GAP43: variants seen among roughly 807,000 people sequenced by gnomAD.
The protein encoded by GAP43 is growth associated protein 43, also known as neuromodulin.
In GAP43, 6 loss-of-function variants were observed where a neutral mutation model predicts 18.6. That is an observed-to-expected ratio of 0.32 (90% CI 0.18 to 0.64). GAP43 has a LOEUF of 0.64. GAP43 is among the 30% of genes least tolerant of loss of function. The pLI, the probability that GAP43 is intolerant of heterozygous loss-of-function variation, is 0.78. For synonymous variants in GAP43, 115 were observed against 111.4 expected (o/e 1.03, Z -0.20); for missense variants, 292 against 295.5 (o/e 0.99, Z 0.09).
At chr3:115,682,300 A>G (rs370284033) in intron 2 of GAP43, among the ~76,000 whole-genome samples, 9 of 152,218 alleles carry the variant, frequency 5.9e-5, no homozygotes, top group Non-Finnish European at 1.3e-4. Context: ...CATCAAATAC[A>G]TCAGTTATGC....
intron 1 of GAP43, chr3:115,664,015 C>A (rs1330522536): frequency 3.6e-6 from 4 of 1,101,194 alleles, no homozygotes; most frequent in East Asian, 2.6e-5. Context: ...TACTTAATTA[C>A]TTAACTAATG....
At chr3:115,712,109 C>G (rs953451025) in intron 2 of GAP43, among the ~76,000 whole-genome samples, 2 of 151,974 alleles carry the variant, frequency 1.3e-5, no homozygotes, top group African/African-American at 2.4e-5. Flanking sequence ...TCAACTTGTA[C>G]CTTCTTTGGC....
At chr3:115,680,906 GT>G (rs1708951699) in intron 2 of GAP43, among the ~76,000 whole-genome samples, 1 of 152,134 alleles carries the variant, frequency 6.6e-6, no homozygotes. Context: ...CAAAAGATAG[GT>G]CCACTTCTAC....
intron 2 of GAP43, among the ~76,000 whole-genome samples, chr3:115,707,432 G>A (rs1027798431): frequency 2.0e-5 from 3 of 152,104 alleles, no homozygotes; most frequent in Non-Finnish European, 1.5e-5. Context: ...TGGGATGACA[G>A]GTACATGCCA....
rs753056251 is a variant in GAP43 at position 115,676,532 on chromosome 3, G to T, written c.550G>T (p.Ala184Ser). 3 of 1,613,500 alleles carry T rather than the reference G, an allele frequency of 1.9e-6. No homozygotes were observed. Among genetic ancestry groups the T allele is most frequent in the Non-Finnish European group, 2.5e-6 (3 of 1,179,942 alleles). ...VTAAAATTPA[A>S]EDAAAKATAQ... is the part of the protein sequence containing the mutation. ...TGCTGCTGCTGCCACCACCCCTGCC[G>T]CAGAGGATGCTGCTGCCAAGGCAAC... The change falls in exon 2 of 3, where the codon GCA becomes TCA. Residue 184 changes from alanine (A) to serine (S), a missense_variant. Transcript: ENST00000305124.
At chr3:115,696,585 C>CG (rs1553724431) in intron 2 of GAP43, among the ~76,000 whole-genome samples, 2 of 126,210 alleles carry the variant, frequency 1.6e-5, no homozygotes, top group African/African-American at 6.2e-5. Flanking sequence ...ACCGCCCCCC[C>CG]CCCCCACAAA....
At chr3:115,714,419 T>G (rs1709475760) in intron 2 of GAP43, among the ~76,000 whole-genome samples, 1 of 152,154 alleles carries the variant, frequency 6.6e-6, no homozygotes, top group African/African-American at 2.4e-5. Context: ...AGGTTACAGC[T>G]TTCTATCAGA....
chr3:115,649,810 TAA>T (rs759106999), intron 1 of GAP43, among the ~76,000 whole-genome samples: 9 of 94,584 alleles, frequency 9.5e-5, no homozygotes, highest in Admixed American at 1.1e-4. Context: ...ACCCTGTCTC[TAA>T]AAAAAAAAAA....
In GAP43 at chr3:115,644,424, A is replaced by G. The variant is rs1166155312; in HGVS notation, c.30+20705A>G. Among the ~76,000 whole-genome samples the G allele has an allele frequency of 6.6e-6, 1 of 151,992 alleles. No homozygotes were observed. Among genetic ancestry groups the G allele is most frequent in the Non-Finnish European group, 1.5e-5 (1 of 67,932 alleles). On this transcript the variant is annotated intron_variant, in intron 1 of 2. Coordinates refer to ENST00000305124, the MANE Select transcript of GAP43 (RefSeq NM_002045.4). The surrounding 1 kb of genome is among the most constrained non-coding windows in gnomAD (Gnocchi z 4.2). Reference sequence around the variant, plus strand: ...ATAAAAGGATAACAAACCTGTAGCAATAAGTCAGTCACCGTGAAGCATTCT... The same window carrying G: ...ATAAAAGGATAACAAACCTGTAGCAGTAAGTCAGTCACCGTGAAGCATTCT...
chr3:115,677,849 A>T (rs563864528), intron 2 of GAP43, among the ~76,000 whole-genome samples: 1 of 152,332 alleles, frequency 6.6e-6, no homozygotes, highest in South Asian at 2.1e-4. Context: ...TTTTACCTTG[A>T]TATACATTTC....
At chr3:115,685,211 C>T (rs1243258780) in intron 2 of GAP43, among the ~76,000 whole-genome samples, 1 of 152,128 alleles carries the variant, frequency 6.6e-6, no homozygotes, top group Non-Finnish European at 1.5e-5. Flanking sequence ...CCAGTGTGAG[C>T]ATTTTGCATT....
At chr3:115,639,752 A>G (rs1035572975) in intron 1 of GAP43, among the ~76,000 whole-genome samples, 5 of 152,080 alleles carry the variant, frequency 3.3e-5, no homozygotes, top group East Asian at 3.9e-4. Flanking sequence ...CAGAAAATCA[A>G]TGACTTCTCA....
At chr3:115,672,378 C>T (rs545640577) in intron 1 of GAP43, among the ~76,000 whole-genome samples, 1 of 152,238 alleles carries the variant, frequency 6.6e-6, no homozygotes, top group African/African-American at 2.4e-5. Flanking sequence ...GTTCTCAGAA[C>T]CTGGGGTTAC....
At chr3:115,646,113 A>C (rs932678909) in intron 1 of GAP43, among the ~76,000 whole-genome samples, 1 of 152,114 alleles carries the variant, frequency 6.6e-6, no homozygotes, top group Non-Finnish European at 1.5e-5. Flanking sequence ...TGATCTAAGA[A>C]TCTCCTATTA....
At chr3:115,677,566 C>T (rs1708909065) in intron 2 of GAP43, among the ~76,000 whole-genome samples, 1 of 152,162 alleles carries the variant, frequency 6.6e-6, no homozygotes, top group Admixed American at 6.5e-5. Context: ...TAAAGGAGGC[C>T]AACAGTTTCC....
chr3:115,663,293 C>CT (rs761916654), intron 1 of GAP43, among the ~76,000 whole-genome samples: 2 of 152,178 alleles, frequency 1.3e-5, no homozygotes, highest in Non-Finnish European at 2.9e-5. Context: ...AATTCAGGAA[C>CT]TCAGGCTGAA....
At position 115,676,474 on chromosome 3, in the gene GAP43, G is replaced by A. The variant is rs6292; in HGVS notation, c.492G>A (p.Glu164=). ...CTGAAGATGCCCCAGCCAAGGAGGA[G>A]CCTAAACAAGCCGATGTGCCTGCTG... ...SKAEDAPAKE[E]PKQADVPAAV... is the part of the protein sequence containing the mutation. Residue 164 remains glutamate (E), a synonymous_variant, in exon 2 of 3, where the codon GAG becomes GAA. Coordinates refer to ENST00000305124, the MANE Select transcript of GAP43 (RefSeq NM_002045.4). 0.026 allele frequency: 42,509 copies of A among 1,613,876 alleles called. 738 individuals are homozygous for A. The highest frequency in any genetic ancestry group is 0.064 in the South Asian group (5,845 of 91,074).
chr3:115,647,806 G>A (rs139794850), intron 1 of GAP43, among the ~76,000 whole-genome samples: 1 of 151,292 alleles, frequency 6.6e-6, no homozygotes, highest in African/African-American at 2.4e-5. Flanking sequence ...GCCATTAGCA[G>A]CTTTTGGCTA....
Position 115,676,505 on chromosome 3 carries a change from A to G in GAP43, c.523A>G (p.Thr175Ala). ...PKQADVPAAV[T>A]AAAATTPAAE... is the part of the protein sequence containing the mutation. ...ACAAGCCGATGTGCCTGCTGCTGTC[A>G]CTGCTGCTGCTGCCACCACCCCTGC... The change falls in exon 2 of 3, where the codon ACT (threonine) becomes GCT (alanine). Residue 175 changes from threonine to alanine, a missense_variant. Physicochemically the swap from Thr to Ala is moderately conservative, Grantham distance 58. Coordinates refer to ENST00000305124, the MANE Select transcript of GAP43 (RefSeq NM_002045.4). 1.9e-6 allele frequency: 3 copies of G among 1,613,682 alleles called. No homozygotes were observed. The highest frequency in any genetic ancestry group is 2.5e-6 in the Non-Finnish European group (3 of 1,179,894).
Sources: gnomAD v4.1 joint callset for allele counts (sites outside exome capture counted in the v4.1 genomes callset) on GRCh38, gnomAD v4.1.1 for gene constraint, Gnocchi (gnomAD v3.1) non-coding constraint, MANE v1.5 for transcripts, NCBI Gene and HGNC (gene_info 2026-07-23, HGNC 2026-07-21) for gene names.